Variants in MMP16 observed in about 807,000 individuals in gnomAD.
MMP16 encodes the protein matrix metalloproteinase-16.
A neutral mutation model predicts 67.8 loss-of-function variants in MMP16; 12 were observed. That is an observed-to-expected ratio of 0.18 (90% CI 0.11 to 0.29). The LOEUF (loss-of-function observed/expected upper bound fraction) is 0.29. Ranked by LOEUF, MMP16 falls within the 10% of genes least tolerant of loss-of-function variation. The probability of loss-of-function intolerance (pLI) is 1.00; values close to 1 mark genes in which losing one functional copy is unlikely to be tolerated. For missense variants in MMP16, 475 were observed against 765.7 expected, an observed-to-expected ratio of 0.62 and a Z score of 4.48; for synonymous variants, 249 against 255.9, an observed-to-expected ratio of 0.97 and a Z score of 0.26.
intron 1 of MMP16, among the ~76,000 whole-genome samples, chr8:88,262,881 C>G (rs2129952625): frequency 7.0e-6 from 1 of 142,726 alleles, no homozygotes; most frequent in South Asian, 2.3e-4. Context: ...AAAAATTAGC[C>G]GAGCGTGGTA....
intron 1 of MMP16, among the ~76,000 whole-genome samples, chr8:88,217,314 T>A (rs576637562): frequency 6.6e-6 from 1 of 152,228 alleles, no homozygotes; most frequent in South Asian, 2.1e-4. Flanking sequence ...AATACACGCA[T>A]GTATGCATAT....
At chr8:88,111,521 G>A (rs1456470820) in intron 6 of MMP16, among the ~76,000 whole-genome samples, 1 of 151,560 alleles carries the variant, frequency 6.6e-6, no homozygotes, top group Non-Finnish European at 1.5e-5. Context: ...GTAAAAATGA[G>A]CAAAATAAGA....
At chr8:88,271,494 A>G (rs1810561787) in intron 1 of MMP16, among the ~76,000 whole-genome samples, 1 of 152,058 alleles carries the variant, frequency 6.6e-6, no homozygotes, top group Non-Finnish European at 1.5e-5. Context: ...TATTTTATTT[A>G]TTTATTTATT....
chr8:88,197,147 C>G lies in MMP16; in HGVS notation c.281+11G>C. 2 of 1,606,660 alleles carry G rather than the reference C, an allele frequency of 1.2e-6. No individual in the cohort carries two copies. The highest frequency in any genetic ancestry group is 2.2e-5 in the South Asian group (2 of 89,494). ...GACCAAAAAGAAAGGAGGATGGGAGCCATTACTTACTCAATTGTGTTTCTG... is the reference window on the plus strand; with the variant it reads ...GACCAAAAAGAAAGGAGGATGGGAGGCATTACTTACTCAATTGTGTTTCTG... On this transcript the variant is annotated intron_variant, in intron 2 of 9. Transcript: ENST00000286614.
chr8:88,052,367 C>G (rs1378048749), intron 8 of MMP16, among the ~76,000 whole-genome samples: 1 of 152,086 alleles, frequency 6.6e-6, no homozygotes, highest in Non-Finnish European at 1.5e-5. Context: ...AAATCCAAGC[C>G]CTGAGGACAA....
At chr8:88,146,760 G>A (rs1289512669) in intron 4 of MMP16, among the ~76,000 whole-genome samples, 4 of 151,380 alleles carry the variant, frequency 2.6e-5, no homozygotes, top group African/African-American at 9.7e-5. Context: ...ACAGGGGCAA[G>A]GCTTTCTTTA....
rs28991877 is a variant in MMP16, at chr8:88,082,724, T to C, written c.1084-7981A>G. 5.1e-4 allele frequency among the ~76,000 whole-genome samples: 78 copies of C among 152,192 alleles called. 2 individuals are homozygous for C. The East Asian group carries it at 0.014, about 28-fold the overall frequency. On this transcript the variant is annotated intron_variant, in intron 6 of 9. Transcript: ENST00000286614. ...CTGAGTAATAAAAATGGGTGAAGCA[T>C]ACTAAAAGTGTGGAAATGCAGGACA... is the stretch of plus-strand genomic sequence containing the variant.
At chr8:88,116,743 T>C (rs765539578) in intron 5 of MMP16, 25 bp from the exon 6 acceptor site, 100 of 1,597,878 alleles carry the variant, frequency 6.3e-5, no homozygotes, top group Non-Finnish European at 8.3e-5. Flanking sequence ...AGGACAGTGC[T>C]TGGCTCACTT....
At chr8:88,171,292 G>A (rs1419622073) in intron 3 of MMP16, among the ~76,000 whole-genome samples, 1 of 152,044 alleles carries the variant, frequency 6.6e-6, no homozygotes, top group Non-Finnish European at 1.5e-5. Flanking sequence ...CTCATCACAC[G>A]AGTTTACCTC....
intron 5 of MMP16, among the ~76,000 whole-genome samples, chr8:88,117,692 T>G (rs892167664): frequency 1.4e-4 from 9 of 63,798 alleles, no homozygotes; most frequent in Admixed American, 9.6e-4. Context: ...AAACTGACCT[T>G]TTTTTACAAA....
intron 4 of MMP16, among the ~76,000 whole-genome samples, chr8:88,122,854 G>A (rs529645508): frequency 6.6e-6 from 1 of 151,590 alleles, no homozygotes; most frequent in South Asian, 2.1e-4. Context: ...TCTAAGGCGA[G>A]GTCATACGAT....
At chr8:88,082,674 A>G (rs1380048062) in intron 6 of MMP16, among the ~76,000 whole-genome samples, 1 of 152,124 alleles carries the variant, frequency 6.6e-6, no homozygotes, top group African/African-American at 2.4e-5. Flanking sequence ...AACAGATAGC[A>G]CAGAAACTAA....
Position 88,197,235 on chromosome 8 carries a change from G to T in MMP16, c.204C>A (p.Thr68=), listed in dbSNP as rs749152867. The change falls in exon 2 of 10, where the codon ACC becomes ACA. Residue 68 remains threonine (T), a synonymous_variant. Transcript: ENST00000286614. ...GCATGGCAGCTAGGGCAGACTGCAT[G>T]GTCTCTGCAGAGCGCAGCACTGACA... is the stretch of plus-strand genomic sequence containing the variant. The part of the protein sequence containing the change: ...PRMSVLRSAE[T]MQSALAAMQQ... The T allele has an allele frequency of 2.4e-5, 39 of 1,611,766 alleles. No homozygotes were observed. In the South Asian group the frequency reaches 4.0e-4, roughly 16 times the overall value.
chr8:88,235,733 C>A (rs6469307), intron 1 of MMP16, among the ~76,000 whole-genome samples: 152,024 of 152,248 alleles, frequency 1, 75,902 homozygotes, highest in Non-Finnish European at 1. Context: ...AAATGGTACA[C>A]TCTGTAGTGA....
At chr8:88,180,315 A>G (rs1459444920) in intron 3 of MMP16, among the ~76,000 whole-genome samples, 4 of 149,660 alleles carry the variant, frequency 2.7e-5, no homozygotes, top group East Asian at 2.1e-4. Flanking sequence ...ATATGCCAAT[A>G]AAAACAGCAC....
At chr8:88,226,526 A>C (rs546406933) in intron 1 of MMP16, among the ~76,000 whole-genome samples, 1 of 152,088 alleles carries the variant, frequency 6.6e-6, no homozygotes, top group African/African-American at 2.4e-5. Flanking sequence ...GGTATTTAAC[A>C]TGGGTTGTTC....
intron 4 of MMP16, among the ~76,000 whole-genome samples, chr8:88,143,993 C>T (rs1197104991): frequency 2.0e-5 from 3 of 151,764 alleles, no homozygotes; most frequent in Non-Finnish European, 4.4e-5. Context: ...TAGATAAAAA[C>T]CATTAATCCC....
rs2681303 is a variant in MMP16 at position 88,141,653 on chromosome 8, G to T, written c.710-22792C>A. Reference sequence around the variant, plus strand: ...AAAAATTCACCTATGGCACTTAACAGAATTTGATATTCAGTAATACTATTA... The same window carrying T: ...AAAAATTCACCTATGGCACTTAACATAATTTGATATTCAGTAATACTATTA... On this transcript the variant is annotated intron_variant, in intron 4 of 9. Coordinates refer to ENST00000286614, the MANE Select transcript of MMP16 (RefSeq NM_005941.5). 5.8e-3 allele frequency among the ~76,000 whole-genome samples: 877 copies of T among 152,214 alleles called. 10 individuals carry two copies. The highest frequency in any genetic ancestry group is 0.02 in the African/African-American group (835 of 41,544).
At chr8:88,247,212 A>G (rs1347481883) in intron 1 of MMP16, among the ~76,000 whole-genome samples, 1 of 152,126 alleles carries the variant, frequency 6.6e-6, no homozygotes, top group Non-Finnish European at 1.5e-5. Flanking sequence ...TGTTTATATA[A>G]TACAGTAGGA....
Sources: gnomAD v4.1 joint callset for allele counts (sites outside exome capture counted in the v4.1 genomes callset) on GRCh38, gnomAD v4.1.1 for gene constraint, MANE v1.5 for transcripts, NCBI Gene and HGNC (gene_info 2026-07-23, HGNC 2026-07-21) for gene names.